Variants in MAEA observed in about 807,000 individuals in gnomAD.
MAEA encodes the protein macrophage erythroblast attacher, E3 ubiquitin ligase.
MAEA carries 22 observed loss-of-function variants against 46.2 expected under a neutral mutation model. That is an observed-to-expected ratio of 0.48 (90% CI 0.34 to 0.68). The LOEUF (loss-of-function observed/expected upper bound fraction) is 0.68. Ranked by LOEUF, MAEA falls within the 30% of genes least tolerant of loss-of-function variation. The pLI, the probability that MAEA is intolerant of heterozygous loss-of-function variation, is 0.01. For missense variants in MAEA, 393 were observed against 558.1 expected, an observed-to-expected ratio of 0.70 and a Z score of 2.98; for synonymous variants, 246 against 222.6, an observed-to-expected ratio of 1.11 and a Z score of -0.94.
At chr4:1,303,998 G>A (rs1577147644) in intron 1 of MAEA, among the ~76,000 whole-genome samples, 1 of 151,944 alleles carries the variant, frequency 6.6e-6, no homozygotes, top group Middle Eastern at 3.4e-3. Context: ...GCACACAGGA[G>A]TCGGGAGTTT....
intron 3 of MAEA, among the ~76,000 whole-genome samples, chr4:1,320,080 T>C (rs6599301): frequency 2.1e-4 from 31 of 145,184 alleles, no homozygotes; most frequent in Middle Eastern, 7.9e-3. Flanking sequence ...TGAAGGGGCT[T>C]CAGAAAAGAA....
At chr4:1,309,680 G>T in intron 1 of MAEA, 1 of 1,531,654 alleles carries the variant, frequency 6.5e-7, no homozygotes, top group Non-Finnish European at 8.7e-7. Flanking sequence ...CAGGGAGGTG[G>T]GGTCTTCCAG....
intron 3 of MAEA, among the ~76,000 whole-genome samples, chr4:1,320,508 GAA>G: frequency 6.6e-6 from 1 of 150,686 alleles, no homozygotes; most frequent in East Asian, 2.0e-4. Flanking sequence ...AAACATGCAA[GAA>G]AACGCTATGA....
intron 1 of MAEA, among the ~76,000 whole-genome samples, chr4:1,298,401 G>A (rs946927278): frequency 1.3e-5 from 2 of 152,180 alleles, no homozygotes; most frequent in Non-Finnish European, 2.9e-5. Context: ...CACACGCGCC[G>A]TCTTCTGGTT....
At chr4:1,336,838 A>ACCGT in intron 6 of MAEA, 23 bp from the exon 7 acceptor site, 2 of 1,609,842 alleles carry the variant, frequency 1.2e-6, no homozygotes, top group Non-Finnish European at 1.7e-6. Flanking sequence ...CATCCCCAGG[A>ACCGT]CCCTCTGCTC....
chr4:1,329,616 C>T, intron 5 of MAEA: 1 of 985,500 alleles, frequency 1.0e-6, no homozygotes, highest in Non-Finnish European at 1.2e-6. Flanking sequence ...GAGTGGTTCT[C>T]CAGGTGCCAG....
chr4:1,318,043 A>G (rs944002837), intron 3 of MAEA, among the ~76,000 whole-genome samples: 2 of 152,144 alleles, frequency 1.3e-5, no homozygotes, highest in Non-Finnish European at 2.9e-5. Flanking sequence ...GGGCCAGCAC[A>G]TGTCCGCTCC....
chr4:1,337,047 T>C, intron 7 of MAEA, 53 bp downstream of exon 7: 1 of 1,599,650 alleles, frequency 6.3e-7, no homozygotes, highest in South Asian at 1.1e-5. Flanking sequence ...GCATCTTTGG[T>C]CATATTTTAA....
In MAEA at chr4:1,311,691, C is replaced by T. The variant is rs950535354; in HGVS notation, c.70-288C>T. Among the ~76,000 whole-genome samples, 1 of 152,228 alleles carries T rather than the reference C, an allele frequency of 6.6e-6. No homozygotes were observed. The highest frequency in any genetic ancestry group is 2.4e-5 in the African/African-American group (1 of 41,452). On this transcript the variant is annotated intron_variant, in intron 1 of 8. Transcript: ENST00000303400. The surrounding 1 kb of genome is among the most constrained non-coding windows in gnomAD (Gnocchi z 4.4). ...CTCTCCTGTTTGGAAATTTCTTTAA[C>T]TGTTCGTTATTCTGGATGAACTTTG...
In MAEA at chr4:1,308,091, C is replaced by T. The variant is rs568719234; in HGVS notation, c.70-3888C>T. On this transcript the variant is annotated intron_variant, in intron 1 of 8. Transcript: ENST00000303400. ...GTGTGAACATCGTGGAATGAACTAACAGGAGCCAGATGGTGTGGCTGCTGC... is the reference window on the plus strand; with the variant it reads ...GTGTGAACATCGTGGAATGAACTAATAGGAGCCAGATGGTGTGGCTGCTGC... 3.3e-5 allele frequency among the ~76,000 whole-genome samples: 5 copies of T among 151,672 alleles called. No individual in the cohort carries two copies. The South Asian group carries it at 8.4e-4, about 25-fold the overall frequency.
At chr4:1,331,692 G>T (rs1230671831) in intron 5 of MAEA, 2 of 152,242 alleles carry the variant, frequency 1.3e-5, no homozygotes, top group Non-Finnish European at 2.9e-5. Context: ...GGGGTGCACA[G>T]GGGCCCGTGT....
chr4:1,329,334 C>G, intron 5 of MAEA: 1 of 985,660 alleles, frequency 1.0e-6, no homozygotes, highest in Non-Finnish European at 1.2e-6. Flanking sequence ...GTCTCTTTGC[C>G]TTGTTCCCCC....
Position 1,311,132 on chromosome 4 carries a change from G to A in MAEA, c.70-847G>A, listed in dbSNP as rs184508047. ...GCGCTTGTTCTGGCACAGCTGCGAC[G>A]GCAGAGTTGGGCCCACTGCTCTTGG... On this transcript the variant is annotated intron_variant, in intron 1 of 8. Coordinates refer to ENST00000303400, the MANE Select transcript of MAEA (RefSeq NM_001017405.3). The surrounding 1 kb of genome is among the most constrained non-coding windows in gnomAD (Gnocchi z 4.4). Among the ~76,000 whole-genome samples the A allele has an allele frequency of 6.6e-6, 1 of 152,350 alleles. No individual in the cohort carries two copies. Among genetic ancestry groups the A allele is most frequent in the Non-Finnish European group, 1.5e-5 (1 of 68,036 alleles).
intron 4 of MAEA, among the ~76,000 whole-genome samples, chr4:1,325,405 G>T (rs546635798): frequency 1.3e-5 from 2 of 152,108 alleles, no homozygotes; most frequent in South Asian, 4.2e-4. Context: ...TGTAGACTCG[G>T]TGTTTTAGAT....
chr4:1,338,376 C>T (rs1431682383), intron 7 of MAEA, 46 bp from the exon 8 acceptor site: 18 of 1,526,732 alleles, frequency 1.2e-5, no homozygotes, highest in Admixed American at 3.5e-5. Flanking sequence ...GGGCTCACCC[C>T]GGCTGCCCTG....
At chr4:1,307,852 G>A in intron 1 of MAEA, among the ~76,000 whole-genome samples, 1 of 152,118 alleles carries the variant, frequency 6.6e-6, no homozygotes, top group Non-Finnish European at 1.5e-5. Flanking sequence ...GGACTGGATG[G>A]CACCACCTAC....
intron 5 of MAEA, chr4:1,329,798 C>T: frequency 1.0e-6 from 1 of 985,490 alleles, no homozygotes. Flanking sequence ...CTCACTGAGG[C>T]TGGACAAGAG....
chr4:1,335,427 C>T (rs1287273441), intron 6 of MAEA: 1 of 985,312 alleles, frequency 1.0e-6, no homozygotes, highest in African/African-American at 1.7e-5. Context: ...GTTAAGTCAG[C>T]ACTGGCCCCA....
chr4:1,328,855 C>T, intron 5 of MAEA: 1 of 1,043,796 alleles, frequency 9.6e-7, no homozygotes, highest in South Asian at 2.8e-5. Context: ...GGAGCCAGGC[C>T]TGCAACGAGG....
Sources: allele counts gnomAD v4.1 joint callset (sites outside exome capture counted in the v4.1 genomes callset), GRCh38; gene constraint gnomAD v4.1.1; non-coding constraint Gnocchi (gnomAD v3.1); transcripts MANE v1.5; gene names NCBI Gene and HGNC (gene_info 2026-07-23, HGNC 2026-07-21).